Variants in GRB14 observed in about 807,000 individuals in gnomAD.
The protein encoded by GRB14 is growth factor receptor bound protein 14.
A neutral mutation model predicts 69.1 loss-of-function variants in GRB14; 38 were observed. The ratio of observed to expected loss-of-function variants is 0.55; its 90% CI spans 0.42 to 0.72. The LOEUF (loss-of-function observed/expected upper bound fraction) is 0.72, where lower values mean the gene tolerates loss of function less well. Among genes scored for constraint, GRB14 ranks in the 30% least tolerant of loss-of-function variants. The pLI, the probability that GRB14 is intolerant of heterozygous loss-of-function variation, is 0.00. For synonymous variants in GRB14, 247 were observed against 241.3 expected (o/e 1.02, Z -0.22); for missense variants, 666 against 666.1 (o/e 1.00, Z 0.00).
chr2:164,593,872 A>C (rs1044054301), intron 2 of GRB14, among the ~76,000 whole-genome samples: 3 of 152,184 alleles, frequency 2.0e-5, no homozygotes, highest in Admixed American at 2.0e-4. Flanking sequence ...AGAGGAGAAT[A>C]AATTTGGAAA....
intron 8 of GRB14, among the ~76,000 whole-genome samples, chr2:164,507,968 T>A (rs1687235676): frequency 6.6e-6 from 1 of 152,194 alleles, no homozygotes; most frequent in Non-Finnish European, 1.5e-5. Flanking sequence ...AGAGTAGATG[T>A]TTAAAAAATA....
At chr2:164,535,358 A>C (rs1355841216) in intron 3 of GRB14, among the ~76,000 whole-genome samples, 1 of 152,194 alleles carries the variant, frequency 6.6e-6, no homozygotes, top group Non-Finnish European at 1.5e-5. Context: ...TTTAACATCA[A>C]AGTCTTTTTA....
intron 2 of GRB14, among the ~76,000 whole-genome samples, chr2:164,603,662 C>CAAA (rs1257080656): frequency 1.5e-5 from 1 of 66,672 alleles, no homozygotes; most frequent in African/African-American, 5.2e-5. Context: ...GACACCACCT[C>CAAA]AAAAAAAAAA....
chr2:164,534,495 A>T (rs996460361), intron 3 of GRB14, among the ~76,000 whole-genome samples: 4 of 152,202 alleles, frequency 2.6e-5, no homozygotes, highest in African/African-American at 7.2e-5. Flanking sequence ...CAAGATGACT[A>T]GATGGACTAC....
intron 2 of GRB14, among the ~76,000 whole-genome samples, chr2:164,618,799 G>A (rs907975983): frequency 3.9e-5 from 6 of 152,074 alleles, no homozygotes; most frequent in Admixed American, 6.6e-5. Flanking sequence ...CAATAGACGC[G>A]GAAAAATGGC....
chr2:164,499,957 T>C (rs1687004901), intron 9 of GRB14, among the ~76,000 whole-genome samples: 2 of 152,170 alleles, frequency 1.3e-5, no homozygotes, highest in African/African-American at 4.8e-5. Flanking sequence ...AGGATACCAG[T>C]GACTTGACCA....
chr2:164,546,759 G>A (rs1688387278), intron 3 of GRB14, among the ~76,000 whole-genome samples: 1 of 152,104 alleles, frequency 6.6e-6, no homozygotes, highest in African/African-American at 2.4e-5. Context: ...TATCCCTGAG[G>A]ACAGGCAGAG....
chr2:164,496,926 T>C, intron 12 of GRB14, 82 bp downstream of exon 12: 4 of 1,093,612 alleles, frequency 3.7e-6, no homozygotes, highest in Middle Eastern at 2.0e-4. Flanking sequence ...TCAAGAACTC[T>C]TTGTGGCTAT....
intron 9 of GRB14, among the ~76,000 whole-genome samples, chr2:164,498,664 T>A (rs1006903440): frequency 2.6e-5 from 4 of 152,210 alleles, no homozygotes; most frequent in Non-Finnish European, 4.4e-5. Context: ...GCCCCCTGGC[T>A]TAAAAGCATT....
At chr2:164,581,490 T>C (rs1423728301) in intron 2 of GRB14, among the ~76,000 whole-genome samples, 1 of 152,064 alleles carries the variant, frequency 6.6e-6, no homozygotes, top group East Asian at 1.9e-4. Flanking sequence ...TCAAAGCGAT[T>C]CAGGACCAAC....
chr2:164,559,937 G>C (rs1688778711), intron 2 of GRB14, among the ~76,000 whole-genome samples: 1 of 152,120 alleles, frequency 6.6e-6, no homozygotes, highest in African/African-American at 2.4e-5. Context: ...GACATGCATA[G>C]AGCACAGTGT....
chr2:164,598,129 C>T (rs973509102), intron 2 of GRB14, among the ~76,000 whole-genome samples: 2 of 152,056 alleles, frequency 1.3e-5, no homozygotes, highest in Non-Finnish European at 2.9e-5. Flanking sequence ...GCAAGATATA[C>T]GGTGCTATCC....
chr2:164,494,980 C>T (rs1364828878), intron 12 of GRB14, among the ~76,000 whole-genome samples: 1 of 151,724 alleles, frequency 6.6e-6, no homozygotes, highest in African/African-American at 2.4e-5. Flanking sequence ...GAAACAGGGT[C>T]TCGCTCTGTC....
intron 3 of GRB14, among the ~76,000 whole-genome samples, chr2:164,534,786 T>A (rs1195466108): frequency 1.3e-5 from 2 of 152,200 alleles, no homozygotes; most frequent in Non-Finnish European, 2.9e-5. Context: ...TTTGCTGCTA[T>A]GTTCAAAACC....
rs1687051344 is a variant in GRB14 at position 164,501,498 on chromosome 2, G to A, written c.1104+757C>T. ...TATCTTAAGGAGTGCAGCAAAAATA[G>A]CAGAACATAAATCTTAAGTTCAGAA... On this transcript the variant is annotated intron_variant, in intron 9 of 13. Coordinates refer to ENST00000263915, the MANE Select transcript of GRB14 (RefSeq NM_004490.3). Among the ~76,000 whole-genome samples, 3 of 152,016 alleles carry A rather than the reference G, an allele frequency of 2.0e-5. No individual in the cohort carries two copies. In the East Asian group the frequency reaches 5.8e-4, roughly 29 times the overall value.
chr2:164,572,536 C>T (rs762517246), intron 2 of GRB14, among the ~76,000 whole-genome samples: 1 of 152,200 alleles, frequency 6.6e-6, no homozygotes, highest in Non-Finnish European at 1.5e-5. Context: ...AAGTGTTAAG[C>T]ACTTTGCATA....
At chr2:164,535,670 C>T (rs1010993145) in intron 3 of GRB14, among the ~76,000 whole-genome samples, 1 of 152,198 alleles carries the variant, frequency 6.6e-6, no homozygotes, top group African/African-American at 2.4e-5. Context: ...TGAACAGCCT[C>T]TGGCCAAGCA....
intron 5 of GRB14, among the ~76,000 whole-genome samples, chr2:164,523,877 C>T (rs1189728372): frequency 1.3e-5 from 2 of 151,876 alleles, no homozygotes; most frequent in Non-Finnish European, 2.9e-5. Flanking sequence ...CAAAAGGAGG[C>T]GGAATAAAAA....
intron 2 of GRB14, among the ~76,000 whole-genome samples, chr2:164,609,499 C>G (rs1479458881): frequency 1.3e-5 from 2 of 152,200 alleles, no homozygotes; most frequent in Non-Finnish European, 2.9e-5. Context: ...ACTTCACCAG[C>G]AGCACTAACC....
Sources: gnomAD v4.1 joint callset for allele counts (sites outside exome capture counted in the v4.1 genomes callset) on GRCh38, gnomAD v4.1.1 for gene constraint, MANE v1.5 for transcripts, NCBI Gene and HGNC (gene_info 2026-07-23, HGNC 2026-07-21) for gene names.